The following SPATS2L variants were observed in gnomAD, a reference collection of about 807,000 sequenced individuals.
SPATS2L encodes spermatogenesis associated serine rich 2 like.
SPATS2L carries 30 observed loss-of-function variants against 59.6 expected under a neutral mutation model. That is an observed-to-expected ratio of 0.50 (90% CI 0.38 to 0.68). The LOEUF (loss-of-function observed/expected upper bound fraction) is 0.68, where lower values mean the gene tolerates loss of function less well. Among genes scored for constraint, SPATS2L ranks in the 30% least tolerant of loss-of-function variants. The pLI is 0.00. For missense variants in SPATS2L, 615 were observed against 700.0 expected (o/e 0.88, Z 1.37); for synonymous variants, 252 against 263.5 (o/e 0.96, Z 0.42).
chr2:200,435,253 A>C (rs183876414), intron 6 of SPATS2L, among the ~76,000 whole-genome samples: 58 of 152,304 alleles, frequency 3.8e-4, no homozygotes, highest in African/African-American at 1.4e-3. Flanking sequence ...ATTTGTGTGT[A>C]TATACAAAAT....
At chr2:200,366,175 A>G (rs2081262794) in intron 2 of SPATS2L, among the ~76,000 whole-genome samples, 1 of 152,222 alleles carries the variant, frequency 6.6e-6, no homozygotes, top group Admixed American at 6.5e-5. Flanking sequence ...TAAATCAACA[A>G]TCATATCTTG....
intron 8 of SPATS2L, among the ~76,000 whole-genome samples, chr2:200,457,866 A>C (rs527999251): frequency 6.6e-6 from 1 of 152,226 alleles, no homozygotes; most frequent in Admixed American, 6.5e-5. Flanking sequence ...AAATACTGCA[A>C]AATTTTTCAG....
chr2:200,397,060 A>C (rs968618351), intron 3 of SPATS2L, among the ~76,000 whole-genome samples: 1 of 152,208 alleles, frequency 6.6e-6, no homozygotes, highest in Non-Finnish European at 1.5e-5. Context: ...GGATAAGAAG[A>C]AATTTACTAT....
intron 11 of SPATS2L, 69 bp downstream of exon 11, chr2:200,470,085 A>G (rs1472440729): frequency 7.6e-7 from 1 of 1,321,812 alleles, no homozygotes; most frequent in Non-Finnish European, 1.1e-6. Flanking sequence ...TTGCTATTGG[A>G]AATGTCAGGT....
intron 12 of SPATS2L, among the ~76,000 whole-genome samples, chr2:200,474,923 G>A (rs1371447023): frequency 6.6e-6 from 1 of 151,652 alleles, no homozygotes; most frequent in Non-Finnish European, 1.5e-5. Context: ...AAGGAGACAG[G>A]GCCACTGGAA....
intron 1 of SPATS2L, among the ~76,000 whole-genome samples, chr2:200,307,333 G>C (rs1280872579): frequency 6.6e-6 from 1 of 151,788 alleles, no homozygotes; most frequent in Non-Finnish European, 1.5e-5. Context: ...GCCGGAAAGA[G>C]ACCCACCGTC....
In SPATS2L at chr2:200,478,086, T is replaced by C; in HGVS notation, c.*55T>C. 6.7e-7 allele frequency: 1 copy of C among 1,488,764 alleles called. No homozygotes were observed. The highest frequency in any genetic ancestry group is 9.0e-7 in the Non-Finnish European group (1 of 1,116,774). 92.2% of individuals were successfully genotyped at this position (1,488,764 alleles called of 1,614,324 possible). A position where few individuals can be genotyped will look rare whatever the true frequency, so the allele number is the denominator to read the frequency against. ...AGTTTTGGTTCCCTGCCCGAGGTGC[T>C]GACCCAATTCGCTGCCAAAAGAGTG... is the stretch of plus-strand genomic sequence containing the variant. On this transcript the variant is annotated 3_prime_UTR_variant, in exon 13 of 13. Coordinates refer to ENST00000409140, the MANE Select transcript of SPATS2L (RefSeq NM_001100423.2).
chr2:200,378,449 G>C (rs917846395), intron 2 of SPATS2L: 1 of 965,796 alleles, frequency 1.0e-6, no homozygotes, highest in South Asian at 4.9e-5. Context: ...CTGCCTGGGG[G>C]TACTCTCCAA....
upstream of SPATS2L, chr2:200,306,353 G>A: frequency 1.0e-6 from 1 of 1,002,386 alleles, no homozygotes; most frequent in Non-Finnish European, 1.2e-6. Flanking sequence ...TCATTAACAA[G>A]GGGAGTTTCG....
intron 2 of SPATS2L, among the ~76,000 whole-genome samples, chr2:200,368,624 G>A (rs936765122): frequency 1.3e-5 from 2 of 152,190 alleles, no homozygotes; most frequent in African/African-American, 4.8e-5. Context: ...GCACTTGGGG[G>A]ATTGTGACCA....
intron 6 of SPATS2L, among the ~76,000 whole-genome samples, chr2:200,427,165 T>TA (rs1424577910): frequency 6.6e-6 from 1 of 152,180 alleles, no homozygotes; most frequent in African/African-American, 2.4e-5. Context: ...ATGTACCACT[T>TA]ACAAAGATCA....
At position 200,329,433 on chromosome 2, in the gene SPATS2L, C is replaced by A; in HGVS notation, c.-70C>A. 1 of 1,550,492 alleles carries A rather than the reference C, an allele frequency of 6.4e-7. No homozygotes were observed. The highest frequency in any genetic ancestry group is 1.4e-5 in the African/African-American group (1 of 73,140). Reference sequence around the variant, plus strand: ...TCCCAAATTTCCATTTTTCCTAGAGCTCTTCAGAAACCAGGCTGCTTTCAG... The same window carrying A: ...TCCCAAATTTCCATTTTTCCTAGAGATCTTCAGAAACCAGGCTGCTTTCAG... On this transcript the variant is annotated splice_region_variant and 5_prime_UTR_variant, in exon 2 of 13. Coordinates refer to ENST00000409140, the MANE Select transcript of SPATS2L (RefSeq NM_001100423.2).
intron 7 of SPATS2L, among the ~76,000 whole-genome samples, chr2:200,440,296 C>T (rs931003604): frequency 6.6e-5 from 10 of 152,224 alleles, no homozygotes; most frequent in East Asian, 1.9e-4. Flanking sequence ...CTTTTAACCA[C>T]GCAAAGTGGT....
intron 1 of SPATS2L, among the ~76,000 whole-genome samples, chr2:200,325,036 A>C (rs2105781384): frequency 6.6e-6 from 1 of 152,298 alleles, no homozygotes; most frequent in South Asian, 2.1e-4. Context: ...TTTTGTTGAG[A>C]ATATATATTT....
intron 1 of SPATS2L, among the ~76,000 whole-genome samples, chr2:200,325,477 C>G (rs2079704463): frequency 2.0e-5 from 3 of 152,178 alleles, no homozygotes; most frequent in African/African-American, 7.2e-5. Flanking sequence ...CTCCCGGGTT[C>G]AAGTAATTCT....
At chr2:200,394,130 A>G (rs570789766) in intron 3 of SPATS2L, among the ~76,000 whole-genome samples, 2 of 152,366 alleles carry the variant, frequency 1.3e-5, no homozygotes, top group Non-Finnish European at 2.9e-5. Flanking sequence ...TTGGATTATA[A>G]CGATAAGGAT....
intron 3 of SPATS2L, among the ~76,000 whole-genome samples, chr2:200,398,745 A>G (rs1021177025): frequency 3.9e-5 from 6 of 152,088 alleles, no homozygotes; most frequent in African/African-American, 9.7e-5. Flanking sequence ...CCTCCTACGC[A>G]CTGGCACTGT....
At chr2:200,368,803 C>T (rs958990378) in intron 2 of SPATS2L, among the ~76,000 whole-genome samples, 9 of 152,176 alleles carry the variant, frequency 5.9e-5, no homozygotes, top group African/African-American at 1.2e-4. Flanking sequence ...CCCATCTCTA[C>T]ATTCAAATTA....
At chr2:200,359,184 G>T (rs1477093951) in intron 2 of SPATS2L, among the ~76,000 whole-genome samples, 3 of 152,048 alleles carry the variant, frequency 2.0e-5, no homozygotes, top group Non-Finnish European at 4.4e-5. Context: ...AGGAGTATTT[G>T]GTTTCTTCTC....
Sources: allele counts gnomAD v4.1 joint callset (sites outside exome capture counted in the v4.1 genomes callset), GRCh38; gene constraint gnomAD v4.1.1; transcripts MANE v1.5; gene names NCBI Gene and HGNC (gene_info 2026-07-23, HGNC 2026-07-21).